Variants in NEGR1 observed in about 807,000 individuals in gnomAD.
NEGR1 encodes neuronal growth regulator 1.
In NEGR1, 10 loss-of-function variants were observed where a neutral mutation model predicts 40.9. The observed-to-expected ratio is 0.24, with a 90% confidence interval of 0.15 to 0.42. The LOEUF (loss-of-function observed/expected upper bound fraction) is 0.42, where lower values mean the gene tolerates loss of function less well. NEGR1 is among the 10% of genes least tolerant of loss of function. The pLI is 1.00. For synonymous variants in NEGR1, 185 were observed against 166.8 expected (o/e 1.11, Z -0.84); for missense variants, 352 against 438.9 (o/e 0.80, Z 1.77).
intron 2 of NEGR1, among the ~76,000 whole-genome samples, chr1:71,811,140 G>C (rs544310433): frequency 1.3e-5 from 2 of 152,116 alleles, no homozygotes; most frequent in East Asian, 3.9e-4. Flanking sequence ...CTGCACAAAA[G>C]GTGGATTATA....
rs535467489 is a variant in NEGR1, at chr1:71,536,400, G to A, written c.940+56417C>T. Among the ~76,000 whole-genome samples the A allele has an allele frequency of 1.3e-4, 20 of 151,696 alleles. 1 individual carries two copies. Among genetic ancestry groups the A allele is most frequent in the Admixed American group, 7.9e-4 (12 of 15,220 alleles). ...CAAGAAGTGGTTGTTGAAAAGAGCC[G>A]GGAATCTTAGGCCTGCTCCCTCTTG... On this transcript the variant is annotated intron_variant, in intron 6 of 6. Coordinates refer to ENST00000357731, the MANE Select transcript of NEGR1 (RefSeq NM_173808.3).
chr1:71,819,886 G>A (rs1214818787), intron 2 of NEGR1, among the ~76,000 whole-genome samples: 1 of 151,962 alleles, frequency 6.6e-6, no homozygotes, highest in Non-Finnish European at 1.5e-5. Flanking sequence ...GAAGCCAGAA[G>A]ACACCAAGGC....
intron 1 of NEGR1, among the ~76,000 whole-genome samples, chr1:72,140,183 T>C (rs1286814436): frequency 1.3e-5 from 2 of 152,014 alleles, no homozygotes; most frequent in Non-Finnish European, 2.9e-5. Flanking sequence ...CTAGCCTTAA[T>C]TTCTTTTCTG....
intron 2 of NEGR1, among the ~76,000 whole-genome samples, chr1:71,898,419 T>G (rs1228793231): frequency 6.6e-6 from 1 of 152,070 alleles, no homozygotes; most frequent in Non-Finnish European, 1.5e-5. Context: ...ATCGAGACTA[T>G]CCTGGCTAAC....
chr1:71,705,150 T>C (rs1196240958), intron 3 of NEGR1, among the ~76,000 whole-genome samples: 1 of 152,150 alleles, frequency 6.6e-6, no homozygotes, highest in East Asian at 1.9e-4. Flanking sequence ...TCTGACCTCA[T>C]GCTTAATGAT....
At position 72,033,013 on chromosome 1, in the gene NEGR1, A is replaced by G. The variant is rs1343723275; in HGVS notation, c.177-97702T>C. On this transcript the variant is annotated intron_variant, in intron 1 of 6. Coordinates refer to ENST00000357731, the MANE Select transcript of NEGR1 (RefSeq NM_173808.3). ...ACTATTTATGAAGCAATTCTTAAAAATTGTATCAGTTTCTAGAAATTAAAA... is the reference window on the plus strand; with the variant it reads ...ACTATTTATGAAGCAATTCTTAAAAGTTGTATCAGTTTCTAGAAATTAAAA... Among the ~76,000 whole-genome samples, 4 of 152,264 alleles carry G rather than the reference A, an allele frequency of 2.6e-5. No individual in the cohort carries two copies. The East Asian group carries it at 5.8e-4, about 22-fold the overall frequency.
At chr1:72,084,606 G>A (rs1412508644) in intron 1 of NEGR1, among the ~76,000 whole-genome samples, 1 of 152,068 alleles carries the variant, frequency 6.6e-6, no homozygotes, top group Admixed American at 6.6e-5. Flanking sequence ...GCACCCCAGA[G>A]CCTCTTTTAC....
intron 6 of NEGR1, among the ~76,000 whole-genome samples, chr1:71,476,505 G>A (rs1048087799): frequency 6.6e-6 from 1 of 152,084 alleles, no homozygotes; most frequent in African/African-American, 2.4e-5. Flanking sequence ...CCTTAGGCCA[G>A]CCAGATAGTA....
At position 71,405,557 on chromosome 1, in the gene NEGR1, TTAG is replaced by T. The variant is rs1646273394; in HGVS notation, c.*1886_*1888del. 1 of 152,102 alleles carries T rather than the reference TTAG, an allele frequency of 6.6e-6. No individual in the cohort carries two copies. The highest frequency in any genetic ancestry group is 1.5e-5 in the Non-Finnish European group (1 of 67,758). 9.4% of individuals were successfully genotyped at this position (152,102 alleles called of 1,614,324 possible). A position where few individuals can be genotyped will look rare whatever the true frequency, so the allele number is the denominator to read the frequency against. On this transcript the variant is annotated 3_prime_UTR_variant, in exon 7 of 7. Coordinates refer to ENST00000357731, the MANE Select transcript of NEGR1 (RefSeq NM_173808.3). ...AAATAATGTCATACATTTATTACAG[TTAG>T]TAGATTTACTAGCTTTATGCCTTAT...
chr1:71,532,757 C>T (rs1417801252), intron 6 of NEGR1, among the ~76,000 whole-genome samples: 3 of 151,452 alleles, frequency 2.0e-5, no homozygotes, highest in Non-Finnish European at 4.4e-5. Context: ...AGAGCAGTAC[C>T]GCAAGCATGC....
chr1:71,999,010 T>C (rs1646530954), intron 1 of NEGR1, among the ~76,000 whole-genome samples: 1 of 151,926 alleles, frequency 6.6e-6, no homozygotes, highest in Non-Finnish European at 1.5e-5. Flanking sequence ...AATATAGTTT[T>C]CTTAAATGTG....
chr1:72,168,611 T>A (rs548745937), intron 1 of NEGR1, among the ~76,000 whole-genome samples: 2 of 152,292 alleles, frequency 1.3e-5, no homozygotes, highest in Non-Finnish European at 1.5e-5. Flanking sequence ...ACTGACAGGC[T>A]GGGAGCAGTG....
At chr1:71,697,462 G>A (rs1401651537) in intron 4 of NEGR1, among the ~76,000 whole-genome samples, 2 of 151,690 alleles carry the variant, frequency 1.3e-5, no homozygotes, top group South Asian at 2.1e-4. Context: ...TAGCATTGAC[G>A]GTTCTGCAGG....
At chr1:71,793,688 T>C (rs2101738687) in intron 2 of NEGR1, among the ~76,000 whole-genome samples, 1 of 152,108 alleles carries the variant, frequency 6.6e-6, no homozygotes, top group South Asian at 2.1e-4. Flanking sequence ...ATCAAGTGAA[T>C]CCAGTAATAT....
chr1:71,500,636 C>T (rs2101399995), intron 6 of NEGR1, among the ~76,000 whole-genome samples: 1 of 152,074 alleles, frequency 6.6e-6, no homozygotes, highest in South Asian at 2.1e-4. Context: ...CATTAAATGT[C>T]AGCACTTAAT....
intron 4 of NEGR1, among the ~76,000 whole-genome samples, chr1:71,620,939 T>C (rs755914143): frequency 2.0e-5 from 3 of 151,936 alleles, no homozygotes; most frequent in Non-Finnish European, 2.9e-5. Context: ...ACTTACTTCA[T>C]AGGATTGGTG....
At chr1:71,470,765 C>T (rs1345260920) in intron 6 of NEGR1, among the ~76,000 whole-genome samples, 2 of 152,170 alleles carry the variant, frequency 1.3e-5, no homozygotes, top group Admixed American at 1.3e-4. Flanking sequence ...ATACAAGTTG[C>T]GAGAAGGATC....
intron 6 of NEGR1, among the ~76,000 whole-genome samples, chr1:71,456,652 T>C (rs1449014075): frequency 6.6e-6 from 1 of 152,210 alleles, no homozygotes; most frequent in East Asian, 1.9e-4. Flanking sequence ...ATGTTGTAAT[T>C]ACACCAACTT....
chr1:72,225,455 TA>T (rs1276957881), intron 1 of NEGR1, among the ~76,000 whole-genome samples: 1 of 151,718 alleles, frequency 6.6e-6, no homozygotes, highest in Admixed American at 6.6e-5. Context: ...ATATTTTACA[TA>T]AAAATTATTT....
Sources: gnomAD v4.1 joint callset for allele counts (sites outside exome capture counted in the v4.1 genomes callset) on GRCh38, gnomAD v4.1.1 for gene constraint, MANE v1.5 for transcripts, NCBI Gene and HGNC (gene_info 2026-07-23, HGNC 2026-07-21) for gene names.